TBC1D14: variants seen among roughly 807,000 people sequenced by gnomAD.
TBC1D14 encodes TBC1 domain family, member 14.
A neutral mutation model predicts 79.0 loss-of-function variants in TBC1D14; 26 were observed. The observed-to-expected ratio is 0.33, with a 90% CI of 0.24 to 0.46. The LOEUF (loss-of-function observed/expected upper bound fraction) is 0.46, where lower values mean the gene tolerates loss of function less well. Ranked by LOEUF, TBC1D14 falls within the 20% of genes least tolerant of loss-of-function variation. TBC1D14 has a pLI of 1.00. For synonymous variants in TBC1D14, 394 were observed against 349.9 expected, an observed-to-expected ratio of 1.13 and a Z score of -1.40; for missense variants, 769 against 887.6, an observed-to-expected ratio of 0.87 and a Z score of 1.70.
At chr4:6,998,818 C>T (rs769103070) in intron 5 of TBC1D14, 105 of 332,886 alleles carry the variant, frequency 3.2e-4, no homozygotes, top group Admixed American at 3.1e-3. Flanking sequence ...GGATTACAGG[C>T]GTGAGCCACC....
intron 5 of TBC1D14, among the ~76,000 whole-genome samples, chr4:6,998,235 C>T (rs1719271393): frequency 1.3e-5 from 2 of 152,000 alleles, no homozygotes; most frequent in African/African-American, 4.8e-5. Context: ...TGGTGGGCAC[C>T]TGTAATCCCA....
chr4:6,971,322 G>T (rs6838042), intron 3 of TBC1D14, among the ~76,000 whole-genome samples: 9,825 of 152,278 alleles, frequency 0.065, 385 homozygotes, highest in African/African-American at 0.11. Flanking sequence ...TGAGTCGCCC[G>T]GCGTTACTAG....
chr4:6,941,679 C>T (rs1712924503), intron 2 of TBC1D14, among the ~76,000 whole-genome samples: 1 of 152,132 alleles, frequency 6.6e-6, no homozygotes, highest in African/African-American at 2.4e-5. Flanking sequence ...AGTGTTTCTG[C>T]CCTGGTTTCT....
chr4:7,027,632 A>G (rs1314823698), intron 13 of TBC1D14, among the ~76,000 whole-genome samples: 1 of 121,540 alleles, frequency 8.2e-6, no homozygotes, highest in Non-Finnish European at 1.7e-5. Context: ...ACACACAATC[A>G]CCCCACACAC....
intron 2 of TBC1D14, among the ~76,000 whole-genome samples, chr4:6,943,162 T>C (rs1355271142): frequency 6.6e-6 from 1 of 151,416 alleles, no homozygotes; most frequent in Non-Finnish European, 1.5e-5. Flanking sequence ...GTGGGAGTTC[T>C]GAGAGCCAGC....
In TBC1D14 at chr4:6,987,224, G is replaced by T. The variant is rs531520465; in HGVS notation, c.844-6960G>T. 9.7e-5 allele frequency: 121 copies of T among 1,244,848 alleles called. 2 individuals are homozygous for T. The South Asian group carries it at 2.0e-3, about 20-fold the overall frequency. The allele number at this position is 1,244,848 out of a possible 1,614,324, so 77.1% of individuals were successfully genotyped here. On this transcript the variant is annotated intron_variant, in intron 3 of 13. Transcript: ENST00000409757. ...GCGGCCTGCCGCCCCGCCCCGCCCC[G>T]CGAGTCTGAGGAGCCGCCGCGTCCG...
chr4:6,935,626 T>C (rs1712240643), intron 2 of TBC1D14, among the ~76,000 whole-genome samples: 1 of 149,294 alleles, frequency 6.7e-6, no homozygotes, highest in Non-Finnish European at 1.5e-5. Flanking sequence ...TAGTGTTGCT[T>C]CATTGTTTGT....
intron 2 of TBC1D14, among the ~76,000 whole-genome samples, chr4:6,931,476 C>T (rs958659530): frequency 6.6e-6 from 1 of 152,130 alleles, no homozygotes; most frequent in African/African-American, 2.4e-5. Context: ...AAACATGCAG[C>T]TGATGGTGTC....
At chr4:7,021,746 G>A (rs2109304175) in intron 12 of TBC1D14, among the ~76,000 whole-genome samples, 1 of 151,792 alleles carries the variant, frequency 6.6e-6, no homozygotes, top group South Asian at 2.1e-4. Context: ...ATAATATGCA[G>A]TGGTCGGAGG....
intron 4 of TBC1D14, chr4:6,995,820 T>C (rs973546226): frequency 1.5e-5 from 2 of 135,328 alleles, no homozygotes; most frequent in Non-Finnish European, 3.2e-5. Context: ...CCCATTCATT[T>C]GTTTTTATTT....
intron 4 of TBC1D14, 142 bp downstream of exon 4, chr4:6,994,444 A>G: frequency 4.2e-6 from 3 of 715,810 alleles, no homozygotes; most frequent in South Asian, 3.5e-5. Context: ...CTATATTAAC[A>G]TGTGTTCTGT....
chr4:7,027,911 T>A (rs1363077937), intron 13 of TBC1D14, among the ~76,000 whole-genome samples: 7 of 114,590 alleles, frequency 6.1e-5, no homozygotes, highest in Admixed American at 9.3e-5. Flanking sequence ...ATCACACACA[T>A]ACACAATCAC....
intron 12 of TBC1D14, among the ~76,000 whole-genome samples, chr4:7,015,268 A>T (rs1313365543): frequency 6.6e-6 from 1 of 152,114 alleles, no homozygotes; most frequent in African/African-American, 2.4e-5. Context: ...CTGGGAACAG[A>T]GAGACCAATT....
chr4:6,974,827 A>C (rs1422838724), intron 3 of TBC1D14, among the ~76,000 whole-genome samples: 1 of 152,202 alleles, frequency 6.6e-6, no homozygotes, highest in East Asian at 1.9e-4. Context: ...CATCTTTAAA[A>C]AAAAAAAATT....
intron 2 of TBC1D14, among the ~76,000 whole-genome samples, chr4:6,960,081 C>CCT (rs1553860268): frequency 0.013 from 1,751 of 131,302 alleles, 16 homozygotes; most frequent in Middle Eastern, 0.043. Context: ...CCCTGTGCCC[C>CCT]TTTTTTTTTT....
chr4:6,913,044 A>C (rs1266394815), intron 1 of TBC1D14, among the ~76,000 whole-genome samples: 1 of 152,130 alleles, frequency 6.6e-6, no homozygotes, highest in Non-Finnish European at 1.5e-5. Flanking sequence ...CCCAGGCTGG[A>C]GTGCAATGGT....
intron 2 of TBC1D14, among the ~76,000 whole-genome samples, chr4:6,958,431 T>G (rs1003671541): frequency 6.9e-6 from 1 of 145,824 alleles, no homozygotes. Context: ...TTTTTATGCT[T>G]TATTTATTTT....
intron 1 of TBC1D14, among the ~76,000 whole-genome samples, chr4:6,914,135 C>CAAAAAA (rs34129252): frequency 7.3e-6 from 1 of 137,522 alleles, no homozygotes. Context: ...GACCCCATCT[C>CAAAAAA]AAAAAAAAAA....
chr4:7,004,963 A>G (rs2109220962), intron 8 of TBC1D14, 39 bp downstream of exon 8: 1 of 1,566,198 alleles, frequency 6.4e-7, no homozygotes, highest in South Asian at 1.1e-5. Context: ...GCTGTGGTCA[A>G]TTATGTTTGT....
Sources: allele counts gnomAD v4.1 joint callset (sites outside exome capture counted in the v4.1 genomes callset), GRCh38; gene constraint gnomAD v4.1.1; transcripts MANE v1.5; gene names NCBI Gene and HGNC (gene_info 2026-07-23, HGNC 2026-07-21).